ZBTB7C: variants seen among roughly 807,000 people sequenced by gnomAD.
The protein encoded by ZBTB7C is zinc finger and BTB domain-containing protein 7C.
In ZBTB7C, 8 loss-of-function variants were observed where a neutral mutation model predicts 25.7. That is an observed-to-expected ratio of 0.31 (90% CI 0.18 to 0.56). ZBTB7C has a LOEUF of 0.56. Among genes scored for constraint, ZBTB7C ranks in the 20% least tolerant of loss-of-function variants. The pLI is 0.91. For missense variants in ZBTB7C, 824 were observed against 855.2 expected (o/e 0.96, Z 0.46); for synonymous variants, 394 against 369.0 (o/e 1.07, Z -0.78).
At chr18:48,367,174 T>TA (rs1568403759) in intron 1 of ZBTB7C, among the ~76,000 whole-genome samples, 38 of 30,346 alleles carry the variant, frequency 1.3e-3, no homozygotes, top group African/African-American at 5.0e-3. Context: ...CTCCCCAAGT[T>TA]TTATATATAT....
upstream of ZBTB7C, chr18:48,409,496 C>CCCCGCG (rs1377050142): frequency 4.8e-5 from 7 of 146,852 alleles, no homozygotes; most frequent in South Asian, 1.8e-4. Context: ...GCGCCCCGCG[C>CCCCGCG]CCCGCGCCCG....
intron 2 of ZBTB7C, among the ~76,000 whole-genome samples, chr18:48,280,386 C>T (rs538826133): frequency 1.3e-5 from 2 of 152,268 alleles, no homozygotes; most frequent in South Asian, 4.1e-4. Flanking sequence ...ATTGGTGTTT[C>T]TAAAAACATT....
At chr18:48,367,175 T>TTATATATATATATATATATATATA (rs71165321) in intron 1 of ZBTB7C, among the ~76,000 whole-genome samples, 15 of 62,224 alleles carry the variant, frequency 2.4e-4, no homozygotes, top group South Asian at 4.1e-4. Flanking sequence ...TCCCCAAGTT[T>TTATATATATATATATATATATATA]TATATATATA....
At chr18:48,052,588 G>T (rs182034975) in intron 3 of ZBTB7C, among the ~76,000 whole-genome samples, 2 of 152,298 alleles carry the variant, frequency 1.3e-5, no homozygotes, top group East Asian at 3.9e-4. Flanking sequence ...GCAGAGGCCA[G>T]GTGAGGGGGC....
intron 1 of ZBTB7C, among the ~76,000 whole-genome samples, chr18:48,339,687 A>C (rs1268974692): frequency 1.3e-5 from 2 of 151,872 alleles, no homozygotes; most frequent in Non-Finnish European, 2.9e-5. Flanking sequence ...GAGGAGGGGG[A>C]CATTGGCCTG....
chr18:48,091,238 ATTTTTT>A (rs35051690), intron 3 of ZBTB7C, among the ~76,000 whole-genome samples: 1 of 64,668 alleles, frequency 1.5e-5, no homozygotes, highest in South Asian at 7.0e-4. Flanking sequence ...TGCCCGGATA[ATTTTTT>A]TTTTTTTTTT....
intron 3 of ZBTB7C, among the ~76,000 whole-genome samples, chr18:48,054,026 G>A (rs1214203448): frequency 6.6e-6 from 1 of 152,242 alleles, no homozygotes; most frequent in African/African-American, 2.4e-5. Context: ...ATGCCAGGGA[G>A]TTTGCGGTGC....
chr18:48,141,141 G>GCT (rs1252993151), intron 3 of ZBTB7C, among the ~76,000 whole-genome samples: 1 of 88,300 alleles, frequency 1.1e-5, no homozygotes, highest in African/African-American at 4.4e-5. Context: ...CATCCCCCCC[G>GCT]CACCACCCCC....
intron 3 of ZBTB7C, chr18:48,041,506 C>T (rs2036240077): frequency 1.0e-6 from 1 of 985,442 alleles, no homozygotes; most frequent in Non-Finnish European, 1.2e-6. Flanking sequence ...GAACAGGACC[C>T]ACCTCTGTGG....
intron 2 of ZBTB7C, among the ~76,000 whole-genome samples, chr18:48,217,184 T>C (rs1384139989): frequency 6.6e-6 from 1 of 152,168 alleles, no homozygotes; most frequent in Non-Finnish European, 1.5e-5. Context: ...AATCAATTCC[T>C]ATGACCTCAC....
intron 2 of ZBTB7C, among the ~76,000 whole-genome samples, chr18:48,292,708 T>C (rs1052125672): frequency 6.6e-6 from 1 of 152,274 alleles, no homozygotes; most frequent in East Asian, 1.9e-4. Flanking sequence ...TTTCAATACC[T>C]AAAAACAAAG....
chr18:48,277,366 C>A (rs1378807456), intron 2 of ZBTB7C, among the ~76,000 whole-genome samples: 1 of 150,960 alleles, frequency 6.6e-6, no homozygotes, highest in South Asian at 2.1e-4. Context: ...CAAAAGAAGA[C>A]ATTTATGCAG....
At chr18:48,390,287 A>C (rs928756991) in intron 1 of ZBTB7C, among the ~76,000 whole-genome samples, 6 of 129,364 alleles carry the variant, frequency 4.6e-5, no homozygotes, top group African/African-American at 1.7e-4. Context: ...AAATGGAATC[A>C]TACCCCCAAA....
At position 48,040,790 on chromosome 18, in the gene ZBTB7C, G is replaced by A; in HGVS notation, c.318C>T (p.His106=). 6.2e-7 allele frequency: 1 copy of A among 1,614,094 alleles called. No individual in the cohort carries two copies. Among genetic ancestry groups the A allele is most frequent in the Non-Finnish European group, 8.5e-7 (1 of 1,179,966 alleles). The part of the protein sequence containing the change: ...TLTITAGNVK[H]ILNAARMLEI... ...CCAGCATCCTGGCTGCGTTGAGGAT[G>A]TGCTTGACATTGCCAGCGGTGATGG... The change falls in exon 4 of 5, where the codon CAC becomes CAT. Residue 106 remains histidine, a synonymous_variant. Transcript: ENST00000590800.
intron 3 of ZBTB7C, among the ~76,000 whole-genome samples, chr18:48,172,269 G>A (rs2041508552): frequency 6.6e-6 from 1 of 152,196 alleles, no homozygotes; most frequent in Admixed American, 6.5e-5. Flanking sequence ...TGGGAAGATG[G>A]GTCTGCATCA....
At chr18:48,207,430 T>C (rs1157698381) in intron 2 of ZBTB7C, among the ~76,000 whole-genome samples, 1 of 152,014 alleles carries the variant, frequency 6.6e-6, no homozygotes, top group African/African-American at 2.4e-5. Context: ...AACAATAAAA[T>C]GGGTAAAAAA....
chr18:48,092,663 G>A (rs2038462475), intron 3 of ZBTB7C, among the ~76,000 whole-genome samples: 1 of 152,182 alleles, frequency 6.6e-6, no homozygotes. Context: ...TTATGGGGAT[G>A]GTTTACGCCA....
chr18:48,262,295 C>T (rs2044194176), intron 2 of ZBTB7C, among the ~76,000 whole-genome samples: 1 of 152,122 alleles, frequency 6.6e-6, no homozygotes, highest in Admixed American at 6.5e-5. Flanking sequence ...CAGGAGAGTT[C>T]AGTGAAGTTG....
intron 2 of ZBTB7C, among the ~76,000 whole-genome samples, chr18:48,246,224 G>A (rs944076955): frequency 5.3e-5 from 8 of 152,040 alleles, no homozygotes; most frequent in East Asian, 1.9e-4. Context: ...AGGCTGAGGC[G>A]GGTGGATCAC....
Sources: gnomAD v4.1 joint callset for allele counts (sites outside exome capture counted in the v4.1 genomes callset) on GRCh38, gnomAD v4.1.1 for gene constraint, MANE v1.5 for transcripts, NCBI Gene and HGNC (gene_info 2026-07-23, HGNC 2026-07-21) for gene names.